The following ST6GALNAC2 variants were observed in gnomAD, a reference collection of about 807,000 sequenced individuals.
The protein encoded by ST6GALNAC2 is ST6 N-acetylgalactosaminide alpha-2,6-sialyltransferase 2, also known as alpha-N-acetylgalactosaminide alpha-2,6-sialyltransferase 2.
Under a neutral mutation model 38.7 loss-of-function variants are expected in ST6GALNAC2, and 42 were observed. The ratio of observed to expected loss-of-function variants is 1.09; its 90% confidence interval spans 0.85 to 1.40. The LOEUF (loss-of-function observed/expected upper bound fraction) is 1.40. Ranked by LOEUF, ST6GALNAC2 falls within the 40% of genes most tolerant of loss-of-function variation. ST6GALNAC2 has a pLI of 0.00. For synonymous variants in ST6GALNAC2, 233 were observed against 209.0 expected (o/e 1.11, Z -0.99); for missense variants, 506 against 481.7 (o/e 1.05, Z -0.47).
chr17:76,582,891 G>C (rs2075496802), intron 1 of ST6GALNAC2, among the ~76,000 whole-genome samples: 1 of 152,180 alleles, frequency 6.6e-6, no homozygotes, highest in South Asian at 2.1e-4. Context: ...CCGCATTGGG[G>C]TTTAAGCTAC....
chr17:76,578,021 T>C (rs7209626), intron 2 of ST6GALNAC2, among the ~76,000 whole-genome samples: 91,881 of 151,920 alleles, frequency 0.6, 28,693 homozygotes, highest in East Asian at 0.83. Flanking sequence ...CTCTTGGGCA[T>C]GGAAAACACC....
At chr17:76,570,732 C>T in intron 5 of ST6GALNAC2, 64 bp from the exon 6 acceptor site, 1 of 1,286,108 alleles carries the variant, frequency 7.8e-7, no homozygotes, top group South Asian at 1.2e-5. Context: ...TCAGTGTGGA[C>T]AGCCCTCCAC....
chr17:76,570,481 T>G (rs2075340393), intron 6 of ST6GALNAC2, 84 bp downstream of exon 6: 2 of 911,422 alleles, frequency 2.2e-6, no homozygotes, highest in African/African-American at 3.3e-5. Flanking sequence ...TACCCCATGA[T>G]GGGCCCTGGG....
rs543526751 is a variant in ST6GALNAC2, at chr17:76,584,872, C to T, written c.125+812G>A. Among the ~76,000 whole-genome samples, 11 of 152,354 alleles carry T rather than the reference C, an allele frequency of 7.2e-5. No individual in the cohort carries two copies. In the South Asian group the frequency reaches 2.3e-3, roughly 32 times the overall value. On this transcript the variant is annotated intron_variant, in intron 1 of 8. Coordinates refer to ENST00000225276, the MANE Select transcript of ST6GALNAC2 (RefSeq NM_006456.3). Reference sequence around the variant, plus strand: ...TCTCCCTGAGGCTGCCGGGCCCTTCCCTCCTCCCAAACCCAGACTTCGCAC... The same window carrying T: ...TCTCCCTGAGGCTGCCGGGCCCTTCTCTCCTCCCAAACCCAGACTTCGCAC...
At chr17:76,576,318 T>G (rs1331486286) in intron 2 of ST6GALNAC2, among the ~76,000 whole-genome samples, 1 of 152,062 alleles carries the variant, frequency 6.6e-6, no homozygotes, top group African/African-American at 2.4e-5. Context: ...GACATAACAC[T>G]GAAACGCTGT....
Position 76,574,389 on chromosome 17 carries a change from C to T in ST6GALNAC2, c.337G>A (p.Gly113Ser). ...CCTTGGTGAGAGAGCCCCCGCCAGCCATACGGGGCTTTGTGTTGGCTCAGG... is the reference window on the plus strand; with the variant it reads ...CCTTGGTGAGAGAGCCCCCGCCAGCTATACGGGGCTTTGTGTTGGCTCAGG... Reference protein sequence around the residue: ...DRLSQHKAPYGWRGLSHQVIA... With the variant: ...DRLSQHKAPYSWRGLSHQVIA... The change falls in exon 3 of 9, where the codon GGC becomes AGC. Residue 113 changes from glycine (G) to serine (S), a missense_variant. Coordinates refer to ENST00000225276, the MANE Select transcript of ST6GALNAC2 (RefSeq NM_006456.3). The T allele has an allele frequency of 6.2e-7, 1 of 1,613,390 alleles. No individual in the cohort carries two copies. The highest frequency in any genetic ancestry group is 1.1e-5 in the South Asian group (1 of 91,062).
rs1333199080 is a variant in ST6GALNAC2, at chr17:76,572,652, G to A, written c.654C>T (p.Ser218=). ...GAGGCCTCACCTGTCCTTGTGGCAC[G>A]GAGGTGAAGCCCAGATTCCAGTAGG... ...LVSYWNLGFT[S]VPQGQDLQYI... Residue 218 remains serine (S), a synonymous_variant, in exon 5 of 9, where the codon TCC becomes TCT. Coordinates refer to ENST00000225276, the MANE Select transcript of ST6GALNAC2 (RefSeq NM_006456.3). 7.4e-6 allele frequency: 12 copies of A among 1,614,006 alleles called. No individual in the cohort carries two copies. Among genetic ancestry groups the A allele is most frequent in the South Asian group, 3.3e-5 (3 of 91,092 alleles).
chr17:76,574,546 G>A lies in ST6GALNAC2; in HGVS notation c.187-7C>T. ...GGTGTCGGCAGGCCTGGCCCTGTGG[G>A]TGAGAAGGTGAGGGCTGAGCCCCGT... is the stretch of plus-strand genomic sequence containing the variant. On this transcript the variant is annotated splice_polypyrimidine_tract_variant and splice_region_variant and intron_variant, in intron 2 of 8. Coordinates refer to ENST00000225276, the MANE Select transcript of ST6GALNAC2 (RefSeq NM_006456.3). The A allele has an allele frequency of 7.2e-7, 1 of 1,379,896 alleles. No individual in the cohort carries two copies. The highest frequency in any genetic ancestry group is 9.7e-7 in the Non-Finnish European group (1 of 1,031,172). 85.5% of individuals were successfully genotyped at this position (1,379,896 alleles called of 1,614,324 possible).
At chr17:76,576,961 A>C (rs1355056279) in intron 2 of ST6GALNAC2, among the ~76,000 whole-genome samples, 12 of 142,924 alleles carry the variant, frequency 8.4e-5, no homozygotes, top group Admixed American at 6.3e-4. Flanking sequence ...CAAGAGCGAA[A>C]CTCCATCTCA....
rs183123416 is a variant in ST6GALNAC2 at position 76,576,273 on chromosome 17, G to A, written c.187-1734C>T. ...CAAAACAAAACAACAATAGCAAAAC[G>A]AAAAACCACGGGCCTATGAGAACAT... On this transcript the variant is annotated intron_variant, in intron 2 of 8. Transcript: ENST00000225276. Among the ~76,000 whole-genome samples the A allele has an allele frequency of 3.3e-5, 5 of 152,154 alleles. No homozygotes were observed. The East Asian group carries it at 5.8e-4, about 18-fold the overall frequency.
rs191645529 is a variant in ST6GALNAC2 at position 76,583,655 on chromosome 17, G to A, written c.125+2029C>T. Among the ~76,000 whole-genome samples, 12 of 151,186 alleles carry A rather than the reference G, an allele frequency of 7.9e-5. 1 individual carries two copies. The East Asian group carries it at 2.3e-3, about 29-fold the overall frequency. ...CTTGTGGAGCAGGGCTACCCCATAG[G>A]CAGTGGTCCAGGGCAGCCAGAGGGC... On this transcript the variant is annotated intron_variant, in intron 1 of 8. Coordinates refer to ENST00000225276, the MANE Select transcript of ST6GALNAC2 (RefSeq NM_006456.3).
chr17:76,572,883 T>A (rs536724224), intron 4 of ST6GALNAC2, 108 bp from the exon 5 acceptor site: 2 of 1,369,142 alleles, frequency 1.5e-6, no homozygotes, highest in South Asian at 1.2e-5. Flanking sequence ...GTATGACCAC[T>A]CCTTCTGCCC....
chr17:76,570,474 C>A, intron 6 of ST6GALNAC2, 91 bp downstream of exon 6: 1 of 837,914 alleles, frequency 1.2e-6, no homozygotes, highest in Non-Finnish European at 2.0e-6. Flanking sequence ...CTCCTCTTAC[C>A]CCATGATGGG....
chr17:76,572,571 C>T (rs2075364101), intron 5 of ST6GALNAC2, 66 bp downstream of exon 5: 7 of 1,595,864 alleles, frequency 4.4e-6, no homozygotes, highest in South Asian at 1.1e-5. Context: ...GTGGCCCCCA[C>T]TGAGGGGACT....
In ST6GALNAC2 at chr17:76,582,195, AG is replaced by A. The variant is rs1385843687; in HGVS notation, c.126-3380del. 3.6e-4 allele frequency among the ~76,000 whole-genome samples: 30 copies of A among 83,782 alleles called. 1 individual carries two copies. In the South Asian group the frequency reaches 0.012, roughly 33 times the overall value. The allele number at this position is 83,782 out of a possible 152,430, so 55.0% of individuals were successfully genotyped here. On this transcript the variant is annotated intron_variant, in intron 1 of 8. Transcript: ENST00000225276. Reference sequence around the variant, plus strand: ...TTTTTTTTTTTTTTTTTTTTGAGACAGGGTCTCACTTTGTCACTCAGGCTGG... The same window carrying A: ...TTTTTTTTTTTTTTTTTTTTGAGACAGGTCTCACTTTGTCACTCAGGCTGG...
intron 2 of ST6GALNAC2, among the ~76,000 whole-genome samples, chr17:76,577,864 C>T (rs762006804): frequency 3.9e-5 from 6 of 152,130 alleles, no homozygotes; most frequent in Non-Finnish European, 5.9e-5. Flanking sequence ...TGAGCCACCA[C>T]GTCCAGCGGC....
chr17:76,583,702 C>T (rs1424646418), intron 1 of ST6GALNAC2, among the ~76,000 whole-genome samples: 1 of 151,012 alleles, frequency 6.6e-6, no homozygotes, highest in Non-Finnish European at 1.5e-5. Flanking sequence ...TGGGGCAGGA[C>T]GTCACATGCA....
rs1486782260 is a variant in ST6GALNAC2, at chr17:76,571,470, T to C, written c.670-802A>G. Among the ~76,000 whole-genome samples, 5 of 152,214 alleles carry C rather than the reference T, an allele frequency of 3.3e-5. No homozygotes were observed. The East Asian group carries it at 5.8e-4, about 18-fold the overall frequency. ...TTAGCCAGGCGTGGTGGTGCGTGCCTGTAATCCCAGCTTCTTGAGAGGCTG... is the reference window on the plus strand; with the variant it reads ...TTAGCCAGGCGTGGTGGTGCGTGCCCGTAATCCCAGCTTCTTGAGAGGCTG... On this transcript the variant is annotated intron_variant, in intron 5 of 8. Coordinates refer to ENST00000225276, the MANE Select transcript of ST6GALNAC2 (RefSeq NM_006456.3).
chr17:76,582,154 C>T (rs1032124793), intron 1 of ST6GALNAC2, among the ~76,000 whole-genome samples: 28 of 146,842 alleles, frequency 1.9e-4, no homozygotes, highest in African/African-American at 6.5e-4. Context: ...CGTGAGCCAC[C>T]GTGCCCAGCC....
Sources: allele counts gnomAD v4.1 joint callset (sites outside exome capture counted in the v4.1 genomes callset), GRCh38; gene constraint gnomAD v4.1.1; transcripts MANE v1.5; gene names NCBI Gene and HGNC (gene_info 2026-07-23, HGNC 2026-07-21).